The following DLC1 variants were observed in gnomAD, a reference collection of about 807,000 sequenced individuals.
The protein encoded by DLC1 is DLC1 Rho GTPase activating protein, also known as rho GTPase-activating protein 7.
Under a neutral mutation model 140.3 loss-of-function variants are expected in DLC1, and 54 were observed. That is an observed-to-expected ratio of 0.38 (90% CI 0.31 to 0.48). DLC1 has a LOEUF of 0.48. DLC1 is among the 20% of genes least tolerant of loss of function. The pLI, the probability that DLC1 is intolerant of heterozygous loss-of-function variation, is 0.96. For missense variants in DLC1, 2,536 were observed against 1,907.0 expected, an observed-to-expected ratio of 1.33 and a Z score of -6.14; for synonymous variants, 986 against 728.1, an observed-to-expected ratio of 1.35 and a Z score of -5.70.
At chr8:13,090,633 C>T (rs117929728) in intron 14 of DLC1, among the ~76,000 whole-genome samples, 163 bp from the exon 15 acceptor site, 5 of 152,214 alleles carry the variant, frequency 3.3e-5, no homozygotes, top group African/African-American at 9.6e-5. Context: ...CGTGTTATCA[C>T]GAGGATATGA....
intron 4 of DLC1, among the ~76,000 whole-genome samples, chr8:13,338,067 G>T (rs986410756): frequency 2.0e-5 from 3 of 152,174 alleles, no homozygotes; most frequent in African/African-American, 7.2e-5. Flanking sequence ...TTTCCTCTAA[G>T]TTGCCATAAC....
intron 4 of DLC1, among the ~76,000 whole-genome samples, chr8:13,343,031 C>T (rs546328393): frequency 1.9e-4 from 29 of 152,254 alleles, no homozygotes; most frequent in African/African-American, 6.7e-4. Context: ...TTCCCGTTAA[C>T]GTTAATCATC....
At chr8:13,247,657 G>A (rs1279791026) in intron 5 of DLC1, among the ~76,000 whole-genome samples, 3 of 152,108 alleles carry the variant, frequency 2.0e-5, no homozygotes, top group Non-Finnish European at 2.9e-5. Flanking sequence ...GCATGATACC[G>A]TTTCCCATAA....
intron 5 of DLC1, among the ~76,000 whole-genome samples, chr8:13,284,282 T>A (rs1452526267): frequency 6.6e-6 from 1 of 152,170 alleles, no homozygotes; most frequent in Non-Finnish European, 1.5e-5. Flanking sequence ...ATCCCAACAC[T>A]TTGGGAGGCC....
chr8:13,584,692 G>C (rs1805238690), intron 1 of DLC1, among the ~76,000 whole-genome samples: 1 of 152,094 alleles, frequency 6.6e-6, no homozygotes, highest in South Asian at 2.1e-4. Context: ...CCATAGCTTA[G>C]CTGGAGTGCA....
At chr8:13,330,405 AT>A (rs760770910) in intron 4 of DLC1, among the ~76,000 whole-genome samples, 5 of 152,238 alleles carry the variant, frequency 3.3e-5, no homozygotes, top group Non-Finnish European at 5.9e-5. Context: ...TGGAATCCTC[AT>A]GAACTTTTGA....
intron 4 of DLC1, among the ~76,000 whole-genome samples, chr8:13,388,296 GATT>G (rs1563305652): frequency 6.6e-6 from 1 of 151,926 alleles, no homozygotes; most frequent in African/African-American, 2.4e-5. Flanking sequence ...TGAACAAGTT[GATT>G]ATTGTTTGTA....
At chr8:13,107,923 G>A (rs547817607) in intron 7 of DLC1, among the ~76,000 whole-genome samples, 66 of 152,248 alleles carry the variant, frequency 4.3e-4, no homozygotes, top group African/African-American at 1.3e-3. Flanking sequence ...GTGGGTGCCT[G>A]TAATCCCAGC....
intron 1 of DLC1, chr8:13,567,893 T>G: frequency 6.4e-7 from 1 of 1,552,096 alleles, no homozygotes; most frequent in Non-Finnish European, 8.7e-7. Context: ...TCTCTGCCAT[T>G]TCTCAAGCGA....
At chr8:13,353,053 C>T (rs1434848416) in intron 4 of DLC1, among the ~76,000 whole-genome samples, 1 of 152,020 alleles carries the variant, frequency 6.6e-6, no homozygotes, top group African/African-American at 2.4e-5. Flanking sequence ...TATATAGTCC[C>T]AGATGATGTT....
chr8:13,303,852 A>G (rs1291033946), intron 5 of DLC1, among the ~76,000 whole-genome samples: 3 of 152,198 alleles, frequency 2.0e-5, no homozygotes, highest in Non-Finnish European at 2.9e-5. Context: ...GAGAAGCTTG[A>G]CAGAATGAAG....
chr8:13,293,173 T>G (rs1831827072), intron 5 of DLC1, among the ~76,000 whole-genome samples: 1 of 152,226 alleles, frequency 6.6e-6, no homozygotes, highest in Admixed American at 6.5e-5. Context: ...CAGGCTGCCA[T>G]GAGACATGAT....
chr8:13,358,209 T>C (rs1327858217), intron 4 of DLC1, among the ~76,000 whole-genome samples: 1 of 152,212 alleles, frequency 6.6e-6, no homozygotes, highest in Non-Finnish European at 1.5e-5. Flanking sequence ...TAAAACCAAT[T>C]ATATCAGAGC....
intron 1 of DLC1, among the ~76,000 whole-genome samples, chr8:13,587,105 C>CAT (rs1554548569): frequency 9.3e-5 from 14 of 150,116 alleles, no homozygotes; most frequent in Non-Finnish European, 1.8e-4. Context: ...CACACACACA[C>CAT]ATTCATGCAT....
chr8:13,221,816 A>G (rs1744245143), intron 5 of DLC1, among the ~76,000 whole-genome samples: 1 of 145,238 alleles, frequency 6.9e-6, no homozygotes. Context: ...AAATACATAT[A>G]TTATAAAATA....
At chr8:13,392,091 G>T (rs1018097524) in intron 4 of DLC1, among the ~76,000 whole-genome samples, 32 of 152,068 alleles carry the variant, frequency 2.1e-4, no homozygotes, top group Non-Finnish European at 3.8e-4. Flanking sequence ...TTCCATTTCA[G>T]TGTACCTGTT....
At chr8:13,396,812 A>C (rs1370647250) in intron 3 of DLC1, among the ~76,000 whole-genome samples, 1 of 152,162 alleles carries the variant, frequency 6.6e-6, no homozygotes, top group East Asian at 1.9e-4. Context: ...GAAATTACCC[A>C]AAAGCTCTCC....
At chr8:13,506,202 CA>C (rs1364563768) in intron 1 of DLC1, among the ~76,000 whole-genome samples, 1 of 151,918 alleles carries the variant, frequency 6.6e-6, no homozygotes, top group Non-Finnish European at 1.5e-5. Context: ...CAAATACATG[CA>C]CACATAAATA....
chr8:13,229,705 T>C (rs1585962319), intron 5 of DLC1, among the ~76,000 whole-genome samples: 1 of 152,016 alleles, frequency 6.6e-6, no homozygotes, highest in East Asian at 1.9e-4. Flanking sequence ...GATTCTAAAT[T>C]GTATGTGACA....
Sources: allele counts gnomAD v4.1 joint callset (sites outside exome capture counted in the v4.1 genomes callset), GRCh38; gene constraint gnomAD v4.1.1; transcripts MANE v1.5; gene names NCBI Gene and HGNC (gene_info 2026-07-23, HGNC 2026-07-21).